Variants in KCNH8 observed in about 807,000 individuals in gnomAD.
KCNH8 encodes the protein potassium voltage-gated channel subfamily H member 8.
In KCNH8, 70 loss-of-function variants were observed where a neutral mutation model predicts 103.6. The ratio of observed to expected loss-of-function variants is 0.68; its 90% confidence interval spans 0.56 to 0.82. The LOEUF is 0.82. Among genes scored for constraint, KCNH8 ranks in the 40% least tolerant of loss-of-function variants. The probability of loss-of-function intolerance (pLI) is 0.00; values close to 1 mark genes in which losing one functional copy is unlikely to be tolerated. For synonymous variants in KCNH8, 498 were observed against 489.4 expected (o/e 1.02, Z -0.23); for missense variants, 1,217 against 1,329.9 (o/e 0.92, Z 1.32).
At chr3:19,472,698 TA>T (rs907493803) in intron 11 of KCNH8, among the ~76,000 whole-genome samples, 2 of 152,176 alleles carry the variant, frequency 1.3e-5, no homozygotes, top group Non-Finnish European at 2.9e-5. Context: ...ACAAGTGGCA[TA>T]AAAATTCAGT....
intron 5 of KCNH8, among the ~76,000 whole-genome samples, chr3:19,380,079 A>G (rs2066268278): frequency 6.6e-6 from 1 of 152,204 alleles, no homozygotes; most frequent in African/African-American, 2.4e-5. Flanking sequence ...ACAGAGACAC[A>G]CAGCATTGGT....
At chr3:19,172,781 G>A (rs575514963) in intron 1 of KCNH8, among the ~76,000 whole-genome samples, 1 of 152,250 alleles carries the variant, frequency 6.6e-6, no homozygotes, top group African/African-American at 2.4e-5. Context: ...CTTATGTTAG[G>A]TTCAAGCTCT....
chr3:19,258,431 G>T (rs1575474800), intron 2 of KCNH8, among the ~76,000 whole-genome samples: 2 of 151,982 alleles, frequency 1.3e-5, no homozygotes, highest in South Asian at 4.1e-4. Flanking sequence ...CATTTATTGG[G>T]CAAGAGTCAG....
rs530027543 is a variant in KCNH8 at position 19,497,100 on chromosome 3, C to A, written c.2041-13263C>A. Among the ~76,000 whole-genome samples, 4 of 152,138 alleles carry A rather than the reference C, an allele frequency of 2.6e-5. No individual in the cohort carries two copies. In the East Asian group the frequency reaches 7.7e-4, roughly 29 times the overall value. ...TTCCTGTAGGTCAGTGGTAACATCC[C>A]CTTTGTTATTTCTAATTGTGTTTAT... On this transcript the variant is annotated intron_variant, in intron 11 of 15. Coordinates refer to ENST00000328405, the MANE Select transcript of KCNH8 (RefSeq NM_144633.3).
intron 3 of KCNH8, among the ~76,000 whole-genome samples, chr3:19,322,851 A>G (rs1267481348): frequency 1.3e-5 from 2 of 152,306 alleles, no homozygotes; most frequent in East Asian, 3.9e-4. Flanking sequence ...GTCTTTTGAC[A>G]TAATCCCAAA....
intron 3 of KCNH8, among the ~76,000 whole-genome samples, chr3:19,338,201 C>A (rs1575537958): frequency 6.6e-6 from 1 of 151,980 alleles, no homozygotes; most frequent in African/African-American, 2.4e-5. Context: ...CTTCTAGTTT[C>A]CCTTTTTACC....
intron 3 of KCNH8, among the ~76,000 whole-genome samples, chr3:19,288,058 T>C (rs2064858172): frequency 6.6e-6 from 1 of 152,066 alleles, no homozygotes; most frequent in Admixed American, 6.6e-5. Context: ...CCCACTTCTT[T>C]TCTGTATAGT....
intron 11 of KCNH8, among the ~76,000 whole-genome samples, chr3:19,487,139 A>G (rs1168161754): frequency 1.3e-5 from 2 of 152,178 alleles, no homozygotes; most frequent in Non-Finnish European, 2.9e-5. Flanking sequence ...GGAGTTCTTG[A>G]ACCCTTGGGG....
rs1250203184 is a variant in KCNH8 at position 19,535,307 on chromosome 3, T to G, written c.*1208T>G. ...ATGGGTCAGCACTTTACCTTTTTTC[T>G]TTAAGGCTCCCAACAATGCTATACA... On this transcript the variant is annotated 3_prime_UTR_variant, in exon 16 of 16. Transcript: ENST00000328405. The G allele has an allele frequency of 1.3e-5, 2 of 152,230 alleles. No homozygotes were observed. Among genetic ancestry groups the G allele is most frequent in the African/African-American group, 4.8e-5 (2 of 41,458 alleles). 9.4% of individuals were successfully genotyped at this position (152,230 alleles called of 1,614,324 possible).
chr3:19,514,579 GTTTT>G (rs960228431), intron 13 of KCNH8, among the ~76,000 whole-genome samples: 6 of 148,530 alleles, frequency 4.0e-5, no homozygotes, highest in African/African-American at 4.9e-5. Flanking sequence ...TTTTTATTTT[GTTTT>G]TTTGTTACCT....
At chr3:19,414,870 C>T (rs2066839147) in intron 7 of KCNH8, among the ~76,000 whole-genome samples, 1 of 151,878 alleles carries the variant, frequency 6.6e-6, no homozygotes, top group Non-Finnish European at 1.5e-5. Flanking sequence ...TAGCAAATAT[C>T]TTAACTTGAA....
chr3:19,164,261 A>G (rs181472291), intron 1 of KCNH8, among the ~76,000 whole-genome samples: 2 of 152,308 alleles, frequency 1.3e-5, no homozygotes, highest in African/African-American at 2.4e-5. Context: ...TTTTGTCTCA[A>G]AGCTAGAACA....
At chr3:19,240,927 C>T (rs898498270) in intron 1 of KCNH8, among the ~76,000 whole-genome samples, 4 of 152,166 alleles carry the variant, frequency 2.6e-5, no homozygotes, top group African/African-American at 9.7e-5. Context: ...ATTGGTATCG[C>T]TCTGGTCCAA....
intron 3 of KCNH8, among the ~76,000 whole-genome samples, chr3:19,326,154 G>A (rs2065420284): frequency 6.6e-6 from 1 of 151,782 alleles, no homozygotes. Flanking sequence ...TAGACACATA[G>A]AGTGGAACAA....
intron 11 of KCNH8, among the ~76,000 whole-genome samples, chr3:19,479,738 A>T (rs547484842): frequency 6.6e-6 from 1 of 152,312 alleles, no homozygotes; most frequent in South Asian, 2.1e-4. Flanking sequence ...ATTTTGCAGG[A>T]GTAGACATTT....
chr3:19,506,439 C>G lies in KCNH8; in HGVS notation c.2041-3924C>G, dbSNP rs117917336. ...GAGTATATTACCAAAAGTATTTTTG[C>G]TGTTGAAGTTTGTGCTGTGATTCAA... On this transcript the variant is annotated intron_variant, in intron 11 of 15. Coordinates refer to ENST00000328405, the MANE Select transcript of KCNH8 (RefSeq NM_144633.3). Among the ~76,000 whole-genome samples the G allele has an allele frequency of 7.7e-3, 1,177 of 152,194 alleles. 13 individuals carry two copies. Among genetic ancestry groups the G allele is most frequent in the South Asian group, 0.02 (94 of 4,818 alleles).
chr3:19,481,727 A>G (rs1257540096), intron 11 of KCNH8, among the ~76,000 whole-genome samples: 1 of 152,212 alleles, frequency 6.6e-6, no homozygotes, highest in Non-Finnish European at 1.5e-5. Context: ...CTTTATGGGA[A>G]TCATCAAAAC....
Position 19,239,693 on chromosome 3 carries a change from C to CCTACCTAT in KCNH8, c.77-13958_77-13957insCCTATCTA, listed in dbSNP as rs1237419961. On this transcript the variant is annotated intron_variant, in intron 1 of 15. Coordinates refer to ENST00000328405, the MANE Select transcript of KCNH8 (RefSeq NM_144633.3). ...ATCTATCTATCTATCTACCTACCTA[C>CCTACCTAT]CTATCTATCTAAGCTGTCTATCTAA... Among the ~76,000 whole-genome samples the CCTACCTAT allele has an allele frequency of 5.3e-5, 8 of 149,620 alleles. No homozygotes were observed. The East Asian group carries it at 9.7e-4, about 18-fold the overall frequency.
intron 1 of KCNH8, among the ~76,000 whole-genome samples, chr3:19,246,275 T>C (rs2064204368): frequency 3.1e-5 from 3 of 96,350 alleles, no homozygotes; most frequent in South Asian, 5.9e-4. Context: ...GTTGTTGTTG[T>C]TTTTTTTTTT....
Sources: gnomAD v4.1 joint callset for allele counts (sites outside exome capture counted in the v4.1 genomes callset) on GRCh38, gnomAD v4.1.1 for gene constraint, MANE v1.5 for transcripts, NCBI Gene and HGNC (gene_info 2026-07-23, HGNC 2026-07-21) for gene names.